Variants in SIPA1L2 observed in about 807,000 individuals in gnomAD.
The protein encoded by SIPA1L2 is signal-induced proliferation-associated 1-like protein 2.
SIPA1L2 carries 56 observed loss-of-function variants against 163.9 expected under a neutral mutation model. The ratio of observed to expected loss-of-function variants is 0.34; its 90% CI spans 0.28 to 0.43. The LOEUF is 0.43. SIPA1L2 is among the 20% of genes least tolerant of loss of function. The probability of loss-of-function intolerance (pLI) is 1.00; values close to 1 mark genes in which losing one functional copy is unlikely to be tolerated. For synonymous variants in SIPA1L2, 877 were observed against 865.7 expected, an observed-to-expected ratio of 1.01 and a Z score of -0.23; for missense variants, 1,974 against 2,193.5, an observed-to-expected ratio of 0.90 and a Z score of 2.00.
intron 3 of SIPA1L2, among the ~76,000 whole-genome samples, chr1:232,496,403 T>A (rs1316577389): frequency 6.6e-6 from 1 of 152,172 alleles, no homozygotes; most frequent in Non-Finnish European, 1.5e-5. Context: ...TGCCTAAGGA[T>A]ACATTTCTCA....
intron 8 of SIPA1L2, among the ~76,000 whole-genome samples, chr1:232,470,314 T>A (rs1664738319): frequency 6.6e-6 from 1 of 152,184 alleles, no homozygotes; most frequent in Non-Finnish European, 1.5e-5. Context: ...GTGTACTGCA[T>A]TAGAACACAG....
At chr1:232,474,630 A>G (rs1049214701) in intron 7 of SIPA1L2, among the ~76,000 whole-genome samples, 7 of 152,248 alleles carry the variant, frequency 4.6e-5, no homozygotes, top group African/African-American at 1.7e-4. Flanking sequence ...TGTTCTCAAC[A>G]CAAAGATAAG....
intron 19 of SIPA1L2, among the ~76,000 whole-genome samples, chr1:232,406,254 G>A (rs1201499744): frequency 6.6e-6 from 1 of 152,138 alleles, no homozygotes; most frequent in East Asian, 1.9e-4. Flanking sequence ...ACAGGCACAA[G>A]AATAGGAGCT....
At chr1:232,570,228 C>T (rs1253309545) in intron 2 of SIPA1L2, among the ~76,000 whole-genome samples, 2 of 152,118 alleles carry the variant, frequency 1.3e-5, no homozygotes, top group African/African-American at 4.8e-5. Flanking sequence ...TTGATTTCTC[C>T]CACAGAACAA....
chr1:232,630,082 C>T lies in SIPA1L2; in HGVS notation c.-532G>A, dbSNP rs1663309095. Among the ~76,000 whole-genome samples the T allele has an allele frequency of 6.6e-6, 1 of 150,428 alleles. No homozygotes were observed. The highest frequency in any genetic ancestry group is 6.6e-5 in the Admixed American group (1 of 15,128). On this transcript the variant is annotated 5_prime_UTR_variant, in exon 1 of 23. Coordinates refer to ENST00000674635, the MANE Select transcript of SIPA1L2 (RefSeq NM_020808.5). Reference sequence around the variant, plus strand: ...GGCCGGCGGGGGCGCGGTGCTCCTCCTCCGTCCTCCTCCTCCTCTCGCTCC... The same window carrying T: ...GGCCGGCGGGGGCGCGGTGCTCCTCTTCCGTCCTCCTCCTCCTCTCGCTCC...
chr1:232,533,756 A>G (rs1249191247), intron 2 of SIPA1L2, among the ~76,000 whole-genome samples: 1 of 152,192 alleles, frequency 6.6e-6, no homozygotes, highest in Non-Finnish European at 1.5e-5. Context: ...ATGTAAAGAC[A>G]AGAACACTTT....
chr1:232,484,040 C>T (rs1364750069), intron 5 of SIPA1L2, 74 bp from the exon 6 acceptor site: 1 of 1,403,480 alleles, frequency 7.1e-7, no homozygotes, highest in Non-Finnish European at 9.7e-7. Flanking sequence ...ATTAAAACTA[C>T]AGAAGCTGAG....
chr1:232,482,797 G>A lies in SIPA1L2; in HGVS notation c.1981+995C>T, dbSNP rs74569753. ...AGGAGAATAGAAGGCAGGAAGACAC[G>A]GCATCAGGCCACCTCAGTTCCAATC... On this transcript the variant is annotated intron_variant, in intron 6 of 22. Coordinates refer to ENST00000674635, the MANE Select transcript of SIPA1L2 (RefSeq NM_020808.5). 3.3e-3 allele frequency among the ~76,000 whole-genome samples: 496 copies of A among 152,254 alleles called. 17 individuals are homozygous for A. The East Asian group carries it at 0.068, about 21-fold the overall frequency.
intron 1 of SIPA1L2, among the ~76,000 whole-genome samples, chr1:232,611,498 G>GTCCA (rs947836515): frequency 6.6e-6 from 1 of 152,132 alleles, no homozygotes; most frequent in African/African-American, 2.4e-5. Flanking sequence ...GAACAATAAG[G>GTCCA]TCCAGGCTGA....
intron 18 of SIPA1L2, among the ~76,000 whole-genome samples, chr1:232,423,030 A>G (rs1661663925): frequency 6.6e-6 from 1 of 152,214 alleles, no homozygotes; most frequent in African/African-American, 2.4e-5. Flanking sequence ...TTCCCTGGCT[A>G]GTGATAGGCG....
intron 1 of SIPA1L2, among the ~76,000 whole-genome samples, chr1:232,611,352 G>T (rs562745935): frequency 6.6e-6 from 1 of 152,330 alleles, no homozygotes; most frequent in South Asian, 2.1e-4. Flanking sequence ...GAGCGACTTT[G>T]CTGACTGTTA....
At chr1:232,549,933 C>T (rs1179453979) in intron 2 of SIPA1L2, among the ~76,000 whole-genome samples, 1 of 152,216 alleles carries the variant, frequency 6.6e-6, no homozygotes, top group Non-Finnish European at 1.5e-5. Context: ...GGCAGAGACT[C>T]TTAATACATA....
At chr1:232,600,585 T>C (rs1244539396) in intron 1 of SIPA1L2, among the ~76,000 whole-genome samples, 1 of 152,172 alleles carries the variant, frequency 6.6e-6, no homozygotes, top group African/African-American at 2.4e-5. Flanking sequence ...TGCCCAAGGG[T>C]GTCTGTTTAT....
At chr1:232,526,589 C>G (rs1667720408) in intron 2 of SIPA1L2, among the ~76,000 whole-genome samples, 1 of 151,446 alleles carries the variant, frequency 6.6e-6, no homozygotes, top group South Asian at 2.1e-4. Flanking sequence ...TCGCCTCCTT[C>G]TGTGCAGCCC....
chr1:232,444,801 C>G (rs912150393), intron 11 of SIPA1L2, among the ~76,000 whole-genome samples: 1 of 152,180 alleles, frequency 6.6e-6, no homozygotes, highest in African/African-American at 2.4e-5. Flanking sequence ...GTGATTCCAG[C>G]CTGGCTCCCA....
chr1:232,453,594 C>A (rs1663714366), intron 10 of SIPA1L2, among the ~76,000 whole-genome samples: 1 of 152,148 alleles, frequency 6.6e-6, no homozygotes, highest in Admixed American at 6.5e-5. Flanking sequence ...ATCTGACTTT[C>A]ACAAAAATTT....
At chr1:232,529,451 G>T (rs1016234263) in intron 2 of SIPA1L2, among the ~76,000 whole-genome samples, 8 of 152,210 alleles carry the variant, frequency 5.3e-5, no homozygotes, top group African/African-American at 1.9e-4. Context: ...ATGAAGCTGG[G>T]CACAGAAGAA....
chr1:232,462,452 C>A, intron 9 of SIPA1L2: 1 of 1,218,138 alleles, frequency 8.2e-7, no homozygotes, highest in Non-Finnish European at 1.1e-6. Flanking sequence ...CATGTATCAC[C>A]ACTGTGTCTG....
chr1:232,404,016 G>T, intron 20 of SIPA1L2, 109 bp downstream of exon 20: 1 of 1,244,844 alleles, frequency 8.0e-7, no homozygotes, highest in Non-Finnish European at 1.2e-6. Flanking sequence ...GTCCCGCTGT[G>T]CACCCCCAAC....
Sources: allele counts gnomAD v4.1 joint callset (sites outside exome capture counted in the v4.1 genomes callset), GRCh38; gene constraint gnomAD v4.1.1; transcripts MANE v1.5; gene names NCBI Gene and HGNC (gene_info 2026-07-23, HGNC 2026-07-21).